PCDH11X: variants seen among roughly 807,000 people sequenced by gnomAD.
PCDH11X encodes protocadherin 11 X-linked.
PCDH11X carries 18 observed loss-of-function variants against 53.3 expected under a neutral mutation model. That is an observed-to-expected ratio of 0.34 (90% confidence interval 0.23 to 0.50). PCDH11X has a LOEUF of 0.50. Among genes scored for constraint, PCDH11X ranks in the 20% least tolerant of loss-of-function variants. The pLI is 0.98. For missense variants in PCDH11X, 570 were observed against 1,032.4 expected (o/e 0.55, Z 6.14); for synonymous variants, 279 against 393.3 (o/e 0.71, Z 3.44).
intron 4 of PCDH11X, among the ~76,000 whole-genome samples, chrX:91,823,225 TC>T (rs1479417388): frequency 1.8e-5 from 2 of 110,815 alleles, no homozygotes; most frequent in Admixed American, 9.7e-5. Flanking sequence ...TTCCTGGGTA[TC>T]CTTGTTGACT....
intron 6 of PCDH11X, among the ~76,000 whole-genome samples, chrX:92,142,845 G>A (rs1423293603): frequency 9.4e-6 from 1 of 106,208 alleles, no homozygotes; most frequent in Non-Finnish European, 1.9e-5. Context: ...TCCCTAAATT[G>A]TGTGTATATA....
At chrX:92,304,814 C>T (rs2755303) in intron 8 of PCDH11X, among the ~76,000 whole-genome samples, 38 of 112,397 alleles carry the variant, frequency 3.4e-4, no homozygotes, top group Non-Finnish European at 5.4e-4. Context: ...AAACTTTGCT[C>T]GAAGAGCAGT....
intron 6 of PCDH11X, among the ~76,000 whole-genome samples, chrX:92,141,257 A>G (rs2065174307): frequency 9.0e-6 from 1 of 111,723 alleles, no homozygotes; most frequent in Admixed American, 9.6e-5. Context: ...TAAAAATTCT[A>G]TATTCCATTT....
intron 9 of PCDH11X, among the ~76,000 whole-genome samples, chrX:92,399,701 T>G (rs1244659877): frequency 2.7e-5 from 3 of 110,029 alleles, no homozygotes; most frequent in Non-Finnish European, 5.6e-5. Flanking sequence ...CACACACAAA[T>G]GTGTACATGC....
intron 7 of PCDH11X, among the ~76,000 whole-genome samples, chrX:92,259,937 G>T (rs957417766): frequency 9.0e-6 from 1 of 111,411 alleles, no homozygotes; most frequent in South Asian, 3.8e-4. Context: ...GACAGTTGCC[G>T]TGTCTTCCTC....
intron 6 of PCDH11X, among the ~76,000 whole-genome samples, chrX:92,009,848 A>G (rs1462039103): frequency 9.2e-6 from 1 of 108,353 alleles, no homozygotes; most frequent in Non-Finnish European, 1.9e-5. Flanking sequence ...GATTATAGGT[A>G]TGCACCACCA....
chrX:92,054,923 G>T (rs1236356610), intron 6 of PCDH11X, among the ~76,000 whole-genome samples: 1 of 96,460 alleles, frequency 1.0e-5, no homozygotes, highest in Non-Finnish European at 2.1e-5. Context: ...TGTGACAATC[G>T]TTGAAGGAAA....
At chrX:92,231,904 C>A (rs901518593) in intron 7 of PCDH11X, among the ~76,000 whole-genome samples, 1 of 111,615 alleles carries the variant, frequency 9.0e-6, no homozygotes, top group Non-Finnish European at 1.9e-5. Flanking sequence ...CCTCTTGAGT[C>A]CATCTTTGGG....
intron 8 of PCDH11X, among the ~76,000 whole-genome samples, chrX:92,304,031 A>G (rs755397528): frequency 9.2e-6 from 1 of 108,907 alleles, no homozygotes; most frequent in South Asian, 4.1e-4. Flanking sequence ...AGAGAAGACA[A>G]ACAAGTAGAA....
intron 10 of PCDH11X, among the ~76,000 whole-genome samples, chrX:92,546,615 T>G (rs2074859813): frequency 9.0e-6 from 1 of 111,419 alleles, no homozygotes; most frequent in South Asian, 3.8e-4. Context: ...TATTTCAGTC[T>G]AAATTAAGTT....
chrX:92,511,143 C>T (rs957218868), intron 10 of PCDH11X, among the ~76,000 whole-genome samples: 4 of 111,817 alleles, frequency 3.6e-5, no homozygotes, highest in African/African-American at 1.3e-4. Context: ...GAGATTAGTA[C>T]ACCTGTGATA....
intron 8 of PCDH11X, among the ~76,000 whole-genome samples, chrX:92,355,760 A>G (rs1172101244): frequency 1.8e-5 from 2 of 109,403 alleles, no homozygotes; most frequent in East Asian, 5.8e-4. Flanking sequence ...TAGGATCCTA[A>G]GGGTCCATTT....
intron 9 of PCDH11X, among the ~76,000 whole-genome samples, chrX:92,393,785 C>T (rs1374771442): frequency 1.8e-5 from 2 of 110,307 alleles, no homozygotes; most frequent in Non-Finnish European, 3.8e-5. Flanking sequence ...AGAGTTCAGC[C>T]ATCTGCCATT....
intron 6 of PCDH11X, among the ~76,000 whole-genome samples, chrX:91,905,913 T>G (rs1396107736): frequency 1.8e-5 from 2 of 111,771 alleles, no homozygotes; most frequent in East Asian, 5.6e-4. Context: ...TCTATGTAGA[T>G]TAAACAGGTT....
intron 6 of PCDH11X, among the ~76,000 whole-genome samples, chrX:92,000,288 G>A (rs1008411653): frequency 1.8e-5 from 2 of 111,446 alleles, no homozygotes; most frequent in Non-Finnish European, 3.8e-5. Context: ...TTTCACATAC[G>A]GATTTGCCAA....
intron 6 of PCDH11X, among the ~76,000 whole-genome samples, chrX:92,182,756 G>A (rs1402468052): frequency 9.0e-6 from 1 of 111,402 alleles, no homozygotes; most frequent in Non-Finnish European, 1.9e-5. Flanking sequence ...CACCATGATT[G>A]AGGCCTCTCC....
In PCDH11X at chrX:91,782,161, G is replaced by A. The variant is rs752663139; in HGVS notation, c.-379+2477G>A. On this transcript the variant is annotated intron_variant, in intron 1 of 10. Coordinates refer to ENST00000682573, the MANE Select transcript of PCDH11X (RefSeq NM_032968.5). ...CCTCGTGTCCCTTCGGCCTCTCCTG[G>A]GTCCCGGCTCGCAGCCCCCCCCTTC... Among the ~76,000 whole-genome samples the A allele has an allele frequency of 4.2e-3, 477 of 112,497 alleles. 2 individuals carry two copies. The highest frequency in any genetic ancestry group is 8.0e-3 in the South Asian group (22 of 2,763).
chrX:91,853,762 C>G (rs1220002609), intron 5 of PCDH11X, among the ~76,000 whole-genome samples: 1 of 110,997 alleles, frequency 9.0e-6, no homozygotes, highest in Non-Finnish European at 1.9e-5. Flanking sequence ...GTTTTTTAAG[C>G]GAATATTTTT....
intron 6 of PCDH11X, among the ~76,000 whole-genome samples, chrX:92,065,196 G>A (rs1412297197): frequency 9.9e-6 from 1 of 101,374 alleles, no homozygotes; most frequent in Non-Finnish European, 1.9e-5. Flanking sequence ...TGGCTGAATA[G>A]TACCCCATTG....
Sources: gnomAD v4.1 joint callset for allele counts (sites outside exome capture counted in the v4.1 genomes callset) on GRCh38, gnomAD v4.1.1 for gene constraint, MANE v1.5 for transcripts, NCBI Gene and HGNC (gene_info 2026-07-23, HGNC 2026-07-21) for gene names.